The following RPS6KC1 variants were observed in gnomAD, a reference collection of about 807,000 sequenced individuals.
The protein encoded by RPS6KC1 is ribosomal protein S6 kinase C1.
In RPS6KC1, 54 loss-of-function variants were observed where a neutral mutation model predicts 103.8. The ratio of observed to expected loss-of-function variants is 0.52; its 90% CI spans 0.42 to 0.65. RPS6KC1 has a LOEUF of 0.65. Among genes scored for constraint, RPS6KC1 ranks in the 30% least tolerant of loss-of-function variants. The pLI is 0.00. For synonymous variants in RPS6KC1, 439 were observed against 438.7 expected, an observed-to-expected ratio of 1.00 and a Z score of -0.01; for missense variants, 1,151 against 1,253.8, an observed-to-expected ratio of 0.92 and a Z score of 1.24.
the RPS6KC1 span, among the ~76,000 whole-genome samples, chr1:213,763,378 A>T: frequency 3.9e-5 from 6 of 152,176 alleles, no homozygotes; most frequent in Admixed American, 3.9e-4. Context: ...CCCTGATGGG[A>T]ATACAGGAGT....
the RPS6KC1 span, among the ~76,000 whole-genome samples, chr1:213,524,387 C>T: frequency 6.6e-6 from 1 of 151,950 alleles, no homozygotes; most frequent in Non-Finnish European, 1.5e-5. Flanking sequence ...CTCCCACTCC[C>T]CCGAGAAGGA....
chr1:213,073,956 G>A (rs1352697366), intron 2 of RPS6KC1, among the ~76,000 whole-genome samples: 3 of 152,114 alleles, frequency 2.0e-5, no homozygotes, highest in Admixed American at 6.5e-5. Flanking sequence ...GATTACAAGC[G>A]TGAGAAAAAA....
chr1:213,524,287 T>A, the RPS6KC1 span, among the ~76,000 whole-genome samples: 4 of 151,934 alleles, frequency 2.6e-5, no homozygotes, highest in Non-Finnish European at 5.9e-5. Flanking sequence ...CTCCTCACCA[T>A]CACCCAGAAA....
the RPS6KC1 span, among the ~76,000 whole-genome samples, chr1:213,553,327 C>T: frequency 5.5e-3 from 840 of 152,172 alleles, 13 homozygotes; most frequent in African/African-American, 0.019. Flanking sequence ...TATGTTGCTG[C>T]GAAGGACGTG....
the RPS6KC1 span, among the ~76,000 whole-genome samples, chr1:213,704,713 G>C: frequency 2.3e-4 from 35 of 152,300 alleles, no homozygotes; most frequent in Non-Finnish European, 4.4e-4. Context: ...CTGTAGTGAA[G>C]AGTTAGGTAT....
the RPS6KC1 span, among the ~76,000 whole-genome samples, chr1:213,517,950 T>C: frequency 6.6e-6 from 1 of 152,244 alleles, no homozygotes; most frequent in African/African-American, 2.4e-5. Flanking sequence ...TAGTTAGCTC[T>C]TCTTGTTGAA....
At chr1:213,783,531 T>C in the RPS6KC1 span, among the ~76,000 whole-genome samples, 4 of 152,138 alleles carry the variant, frequency 2.6e-5, no homozygotes, top group Admixed American at 1.3e-4. Flanking sequence ...TTTAATATTA[T>C]GATTCAGCAC....
the RPS6KC1 span, chr1:213,546,540 G>A: frequency 1.3e-5 from 2 of 152,130 alleles, no homozygotes; most frequent in African/African-American, 4.8e-5. Context: ...CATTTTATAA[G>A]TATAACTAAT....
chr1:213,651,529 G>A, the RPS6KC1 span, among the ~76,000 whole-genome samples: 1 of 152,178 alleles, frequency 6.6e-6, no homozygotes, highest in Non-Finnish European at 1.5e-5. Flanking sequence ...GGTCTATTCT[G>A]ATGGCTCAAT....
At chr1:213,793,460 T>C in the RPS6KC1 span, among the ~76,000 whole-genome samples, 1 of 152,188 alleles carries the variant, frequency 6.6e-6, no homozygotes, top group African/African-American at 2.4e-5. Context: ...CAATGCCCCC[T>C]TAATGAAGCA....
the RPS6KC1 span, among the ~76,000 whole-genome samples, chr1:213,354,987 G>T: frequency 6.6e-6 from 1 of 152,198 alleles, no homozygotes; most frequent in Non-Finnish European, 1.5e-5. Context: ...GGAGGCCGAG[G>T]TGGGCGGATC....
At chr1:213,461,549 T>C in the RPS6KC1 span, among the ~76,000 whole-genome samples, 4,162 of 152,180 alleles carry the variant, frequency 0.027, 82 homozygotes, top group East Asian at 0.051. Flanking sequence ...GCTACAGTAA[T>C]GAAAACAGCA....
chr1:213,272,471 C>G, intron 14 of RPS6KC1, 53 bp from the exon 15 acceptor site: 4 of 1,366,952 alleles, frequency 2.9e-6, no homozygotes, highest in Non-Finnish European at 4.2e-6. Context: ...TATTGGTTTT[C>G]CTTTGATTTG....
the RPS6KC1 span, among the ~76,000 whole-genome samples, chr1:213,600,484 G>A: frequency 6.6e-6 from 1 of 152,282 alleles, no homozygotes; most frequent in East Asian, 1.9e-4. Context: ...GCCTATAGGG[G>A]GAATCAGAGA....
At chr1:213,169,543 T>G (rs2148201387) in intron 7 of RPS6KC1, among the ~76,000 whole-genome samples, 1 of 152,258 alleles carries the variant, frequency 6.6e-6, no homozygotes, top group South Asian at 2.1e-4. Flanking sequence ...CTTTACTTTT[T>G]CACCATTGAA....
At chr1:213,545,371 C>T in the RPS6KC1 span, among the ~76,000 whole-genome samples, 18 of 119,624 alleles carry the variant, frequency 1.5e-4, no homozygotes, top group Admixed American at 9.2e-4. Context: ...AACTCTGTCT[C>T]AAATAAATAA....
chr1:213,257,518 C>T (rs573861958), intron 12 of RPS6KC1, among the ~76,000 whole-genome samples: 3 of 152,242 alleles, frequency 2.0e-5, no homozygotes, highest in South Asian at 2.1e-4. Context: ...AATATTCTCT[C>T]CCAAAGTCAC....
At chr1:213,271,994 C>A (rs997703982) in intron 14 of RPS6KC1, among the ~76,000 whole-genome samples, 1 of 152,068 alleles carries the variant, frequency 6.6e-6, no homozygotes, top group Non-Finnish European at 1.5e-5. Context: ...TTGTTTCATT[C>A]ATTATATTAA....
At chr1:213,516,658 C>T in the RPS6KC1 span, among the ~76,000 whole-genome samples, 6 of 152,236 alleles carry the variant, frequency 3.9e-5, no homozygotes, top group Middle Eastern at 3.4e-3. Flanking sequence ...ATTTTGGCAT[C>T]GATGTTCATC....
Sources: allele counts gnomAD v4.1 joint callset (sites outside exome capture counted in the v4.1 genomes callset), GRCh38; gene constraint gnomAD v4.1.1; transcripts MANE v1.5; gene names NCBI Gene and HGNC (gene_info 2026-07-23, HGNC 2026-07-21).